The following DXO variants were observed in gnomAD, a reference collection of about 807,000 sequenced individuals.
The protein encoded by DXO is decapping and exoribonuclease protein.
In DXO, 42 loss-of-function variants were observed where a neutral mutation model predicts 39.8. That is an observed-to-expected ratio of 1.06 (90% CI 0.83 to 1.37). The LOEUF (loss-of-function observed/expected upper bound fraction) is 1.37, where lower values mean the gene tolerates loss of function less well. Among genes scored for constraint, DXO ranks in the 40% most tolerant of loss-of-function variants. DXO has a pLI of 0.00. For synonymous variants in DXO, 193 were observed against 200.4 expected (o/e 0.96, Z 0.31); for missense variants, 495 against 513.0 (o/e 0.96, Z 0.34).
Position 31,970,251 on chromosome 6 carries a change from G to A in DXO, c.949-48C>T, listed in dbSNP as rs1368509873. ...CAGAAGATGGGCAGTGGGGGTGGTG[G>A]GAGGAGAGAAGGCAGGCTGTTGCCC... On this transcript the variant is annotated intron_variant, in intron 5 of 6. Coordinates refer to ENST00000337523, the MANE Select transcript of DXO (RefSeq NM_005510.4). The surrounding 1 kb of genome is among the most constrained non-coding windows in gnomAD (Gnocchi z 4.0). 1 of 1,614,016 alleles carries A rather than the reference G, an allele frequency of 6.2e-7. No individual in the cohort carries two copies. Among genetic ancestry groups the A allele is most frequent in the Non-Finnish European group, 8.5e-7 (1 of 1,179,932 alleles).
chr6:31,969,900 G>A lies in DXO; in HGVS notation c.1168C>T (p.Pro390Ser), dbSNP rs192273589. 6.2e-7 allele frequency: 1 copy of A among 1,614,134 alleles called. No homozygotes were observed. Among genetic ancestry groups the A allele is most frequent in the East Asian group, 2.2e-5 (1 of 44,888 alleles). ...EAMTQDLPSP[P>S]KTPSPK is the part of the protein sequence containing the mutation. The stretch of plus-strand genomic sequence containing the variant: ...TACTATTTGGGAGAGGGAGTCTTGG[G>A]GGGTGATGGGAGGTCCTGAGTCATA... Residue 390 changes from proline (P) to serine (S), a missense_variant, in exon 7 of 7, where the codon CCC (proline) becomes TCC (serine). Pro to Ser is a moderately conservative substitution (Grantham distance 74). Transcript: ENST00000337523. The surrounding 1 kb of genome is among the most constrained non-coding windows in gnomAD (Gnocchi z 6.1).
rs2746399 is a variant in DXO at position 31,970,295 on chromosome 6, T to C, written c.948+48A>G. 14,474 of 1,613,794 alleles carry C rather than the reference T, an allele frequency of 9.0e-3. 745 individuals carry two copies. The South Asian group carries it at 0.1, about 12-fold the overall frequency. ...GTTGCCCTGGATGCTAGACCTGTGG[T>C]CTTGGTGTTTGGGGATACGGGTGGG... On this transcript the variant is annotated intron_variant, in intron 5 of 6. Coordinates refer to ENST00000337523, the MANE Select transcript of DXO (RefSeq NM_005510.4). This position sits in a 1 kb window ranked among gnomAD's most constrained non-coding sequence, Gnocchi z 4.0.
Position 31,970,228 on chromosome 6 carries a change from G to A in DXO, c.949-25C>T. The stretch of plus-strand genomic sequence containing the variant: ...TCTGGAGCAGGCAGAGGAGGAGGCA[G>A]AAGATGGGCAGTGGGGGTGGTGGGA... On this transcript the variant is annotated intron_variant, in intron 5 of 6. Coordinates refer to ENST00000337523, the MANE Select transcript of DXO (RefSeq NM_005510.4). This position sits in a 1 kb window ranked among gnomAD's most constrained non-coding sequence, Gnocchi z 4.0. 1 of 1,613,506 alleles carries A rather than the reference G, an allele frequency of 6.2e-7. No homozygotes were observed. The highest frequency in any genetic ancestry group is 8.5e-7 in the Non-Finnish European group (1 of 1,179,928).
rs1773299105 is a variant in DXO, at chr6:31,971,332, C to A, written c.344G>T (p.Gly115Val). Residue 115 changes from glycine (G) to valine (V), a missense_variant, in exon 2 of 7, where the codon GGC becomes GTC. Coordinates refer to ENST00000337523, the MANE Select transcript of DXO (RefSeq NM_005510.4). The surrounding 1 kb of genome is among the most constrained non-coding windows in gnomAD (Gnocchi z 4.5). ...HLLCWLLEHR[G>V]RLEGGPGWLA... ...ACGCTTTGCTCACCCCTCCAACCGGCCTCGGTGTTCCAGGAGCCAGCACAG... is the reference window on the plus strand; with the variant it reads ...ACGCTTTGCTCACCCCTCCAACCGGACTCGGTGTTCCAGGAGCCAGCACAG... 3 of 1,542,490 alleles carry A rather than the reference C, an allele frequency of 1.9e-6. No individual in the cohort carries two copies. The highest frequency in any genetic ancestry group is 2.6e-6 in the Non-Finnish European group (3 of 1,143,266).
chr6:31,971,534 C>A lies in DXO; in HGVS notation c.142G>T (p.Glu48Ter). The change falls in exon 2 of 7, where the codon GAA becomes TAA. Residue 48 changes from glutamate to a stop codon, truncating the protein, a stop_gained. Transcript: ENST00000337523. LOFTEE classifies it high-confidence loss of function. The surrounding 1 kb of genome is among the most constrained non-coding windows in gnomAD (Gnocchi z 4.5). ...GPFPFYRRPSELGCFSLDAQR... is the reference protein window; with the variant it reads ...GPFPFYRRPS ...GCATCCAGGGAGAAGCAGCCCAGTTCCGAAGGGCGCCGGTAGAAAGGAAAG... is the reference window on the plus strand; with the variant it reads ...GCATCCAGGGAGAAGCAGCCCAGTTACGAAGGGCGCCGGTAGAAAGGAAAG... 6.2e-7 allele frequency: 1 copy of A among 1,614,164 alleles called. No homozygotes were observed. Among genetic ancestry groups the A allele is most frequent in the Non-Finnish European group, 8.5e-7 (1 of 1,180,028 alleles).
rs530564669 is a variant in DXO at position 31,971,883 on chromosome 6, G to C, written c.-7+46C>G. On this transcript the variant is annotated intron_variant, in intron 1 of 6. Transcript: ENST00000337523. This position sits in a 1 kb window ranked among gnomAD's most constrained non-coding sequence, Gnocchi z 4.5. ...CCTCCCTCCAGGTCCTCCAAATGCA[G>C]TGAGGTTAGGAAGGACGTCTGCGCT... 2 of 1,471,074 alleles carry C rather than the reference G, an allele frequency of 1.4e-6. No homozygotes were observed. The highest frequency in any genetic ancestry group is 1.8e-6 in the Non-Finnish European group (2 of 1,101,782). 91.1% of individuals were successfully genotyped at this position (1,471,074 alleles called of 1,614,324 possible). A position where few individuals can be genotyped will look rare whatever the true frequency, so the allele number is the denominator to read the frequency against.
rs768625950 is a variant in DXO, at chr6:31,970,939, A to C, written c.565T>G (p.Tyr189Asp). The stretch of plus-strand genomic sequence containing the variant: ...GCACACATGTACTGCTCAAATTTGT[A>C]TCCCATGTACATAAGCTCCCGGAGG... ...PLLRELMYMG[Y>D]KFEQYMCADK... The change falls in exon 3 of 7, where the codon TAC becomes GAC. Residue 189 changes from tyrosine to aspartate, a missense_variant. Physicochemically the swap from Tyr to Asp is radical, Grantham distance 160. Coordinates refer to ENST00000337523, the MANE Select transcript of DXO (RefSeq NM_005510.4). This position sits in a 1 kb window ranked among gnomAD's most constrained non-coding sequence, Gnocchi z 4.0. 1 of 1,612,780 alleles carries C rather than the reference A, an allele frequency of 6.2e-7. No homozygotes were observed. Among genetic ancestry groups the C allele is most frequent in the South Asian group, 1.1e-5 (1 of 91,074 alleles).
In DXO at chr6:31,971,515, A is replaced by G. The variant is rs759863016; in HGVS notation, c.161T>C (p.Leu54Pro). ...RRPSELGCFS[L>P]DAQRQYHGDA... ...TCCATGGTACTGGCGTTGAGCATCC[A>G]GGGAGAAGCAGCCCAGTTCCGAAGG... Residue 54 changes from leucine to proline, a missense_variant, in exon 2 of 7, where the codon CTG becomes CCG. Leu to Pro is a moderately conservative substitution (Grantham distance 98). Coordinates refer to ENST00000337523, the MANE Select transcript of DXO (RefSeq NM_005510.4). The surrounding 1 kb of genome is among the most constrained non-coding windows in gnomAD (Gnocchi z 4.5). The G allele has an allele frequency of 3.7e-6, 6 of 1,614,178 alleles. No individual in the cohort carries two copies. Among genetic ancestry groups the G allele is most frequent in the Non-Finnish European group, 5.1e-6 (6 of 1,180,032 alleles).
At position 31,970,014 on chromosome 6, in the gene DXO, G is replaced by A; in HGVS notation, c.1054C>T (p.Leu352Phe). The change falls in exon 7 of 7, where the codon CTC becomes TTC. Residue 352 changes from leucine to phenylalanine, a missense_variant. Physicochemically the swap from Leu to Phe is conservative, Grantham distance 22. Transcript: ENST00000337523. This position sits in a 1 kb window ranked among gnomAD's most constrained non-coding sequence, Gnocchi z 4.0. ...GGGCCGCCAGGCTCCCAAGAGAAGAGATGAACGAGCCTGGGGGGCAGATGG... is the reference window on the plus strand; with the variant it reads ...GGGCCGCCAGGCTCCCAAGAGAAGAAATGAACGAGCCTGGGGGGCAGATGG... Reference protein sequence around the residue: ...VVQDDPRLVHLFSWEPGGPVT... With the variant: ...VVQDDPRLVHFFSWEPGGPVT... 1.9e-6 allele frequency: 3 copies of A among 1,614,052 alleles called. No homozygotes were observed. Among genetic ancestry groups the A allele is most frequent in the Non-Finnish European group, 2.5e-6 (3 of 1,180,026 alleles).
chr6:31,971,661 C>G lies in DXO; in HGVS notation c.15G>C (p.Gly5=). Residue 5 remains glycine, a synonymous_variant, in exon 2 of 7, where the codon GGG becomes GGC. Coordinates refer to ENST00000337523, the MANE Select transcript of DXO (RefSeq NM_005510.4). The surrounding 1 kb of genome is among the most constrained non-coding windows in gnomAD (Gnocchi z 4.5). MDPR[G]TKRGAEKTEV... ...CTGTCTTCTCAGCTCCTCTCTTGGT[C>G]CCCCTGGGATCCATGAGGTCCTAAG... is the stretch of plus-strand genomic sequence containing the variant. The G allele has an allele frequency of 6.2e-7, 1 of 1,606,426 alleles. No homozygotes were observed. Among genetic ancestry groups the G allele is most frequent in the Non-Finnish European group, 8.5e-7 (1 of 1,179,540 alleles).
chr6:31,970,042 G>A lies in DXO; in HGVS notation c.1044-18C>T. The stretch of plus-strand genomic sequence containing the variant: ...GAACGAGCCTGGGGGGCAGATGGAG[G>A]CATCAGTTGAGGGCCAGAGGCTGGA... On this transcript the variant is annotated intron_variant, in intron 6 of 6. Transcript: ENST00000337523. This position sits in a 1 kb window ranked among gnomAD's most constrained non-coding sequence, Gnocchi z 4.0. 6.2e-7 allele frequency: 1 copy of A among 1,614,066 alleles called. No individual in the cohort carries two copies. The highest frequency in any genetic ancestry group is 1.3e-5 in the African/African-American group (1 of 74,998).
At position 31,969,876 on chromosome 6, in the gene DXO, A is replaced by G. The variant is rs571209078; in HGVS notation, c.*1T>C. The G allele has an allele frequency of 9.9e-6, 16 of 1,614,130 alleles. No homozygotes were observed. The highest frequency in any genetic ancestry group is 1.3e-5 in the Non-Finnish European group (15 of 1,180,012). On this transcript the variant is annotated 3_prime_UTR_variant, in exon 7 of 7. Coordinates refer to ENST00000337523, the MANE Select transcript of DXO (RefSeq NM_005510.4). This position sits in a 1 kb window ranked among gnomAD's most constrained non-coding sequence, Gnocchi z 6.1. ...TATGACTGCCTCCCTCTAAAGCATT[A>G]CTATTTGGGAGAGGGAGTCTTGGGG...
At position 31,972,000 on chromosome 6, in the gene DXO, C is replaced by G. The variant is rs774527458; in HGVS notation, c.-78G>C. The G allele has an allele frequency of 3.1e-6, 5 of 1,602,526 alleles. No homozygotes were observed. Among genetic ancestry groups the G allele is most frequent in the Non-Finnish European group, 4.3e-6 (5 of 1,171,336 alleles). The stretch of plus-strand genomic sequence containing the variant: ...CAGGCACGCCAGAGGCCGAAGGATG[C>G]AAAAGTGGTTTTCTGCTTTCGATGA... On this transcript the variant is annotated 5_prime_UTR_variant, in exon 1 of 7. Transcript: ENST00000337523. The surrounding 1 kb of genome is among the most constrained non-coding windows in gnomAD (Gnocchi z 4.5).
Position 31,970,551 on chromosome 6 carries a change from T to C in DXO, c.812+55A>G, listed in dbSNP as rs559840208. On this transcript the variant is annotated intron_variant, in intron 4 of 6. Transcript: ENST00000337523. The surrounding 1 kb of genome is among the most constrained non-coding windows in gnomAD (Gnocchi z 4.0). ...TTCTGCCTTCACCCTCCTCCCCAAG[T>C]CCCTTTCCCAGCCTTCAAGCCTAAG... 75 of 1,612,606 alleles carry C rather than the reference T, an allele frequency of 4.7e-5. No individual in the cohort carries two copies. Among genetic ancestry groups the C allele is most frequent in the Non-Finnish European group, 6.4e-5 (75 of 1,179,090 alleles).
rs1187914190 is a variant in DXO, at chr6:31,971,329, C to G, written c.347G>C (p.Arg116Pro). Residue 116 changes from arginine to proline, a missense_variant, in exon 2 of 7, where the codon CGG becomes CCG. Physicochemically the swap from Arg to Pro is moderately radical, Grantham distance 103 (BLOSUM62 -2). Transcript: ENST00000337523. This position sits in a 1 kb window ranked among gnomAD's most constrained non-coding sequence, Gnocchi z 4.5. ...LLCWLLEHRG[R>P]LEGGPGWLAE... ...ACCACGCTTTGCTCACCCCTCCAAC[C>G]GGCCTCGGTGTTCCAGGAGCCAGCA... 6.5e-7 allele frequency: 1 copy of G among 1,541,004 alleles called. No homozygotes were observed. The highest frequency in any genetic ancestry group is 8.8e-7 in the Non-Finnish European group (1 of 1,142,708).
rs772946536 is a variant in DXO, at chr6:31,971,033, C to G, written c.471G>C (p.Gln157His). Reference protein sequence around the residue: ...EGWQLAASRFQGTLYLSEVET... With the variant: ...EGWQLAASRFHGTLYLSEVET... ...CCACTTCACTCAGGTATAGTGTTCCCTGGAACCGGGAGGCTGCCAGCTGCC... is the reference window on the plus strand; with the variant it reads ...CCACTTCACTCAGGTATAGTGTTCCGTGGAACCGGGAGGCTGCCAGCTGCC... The change falls in exon 3 of 7, where the codon CAG (glutamine) becomes CAC (histidine). Residue 157 changes from glutamine (Q) to histidine (H), a missense_variant. By Grantham distance (24) the Gln-to-His change is conservative (BLOSUM62 0). Transcript: ENST00000337523. This position sits in a 1 kb window ranked among gnomAD's most constrained non-coding sequence, Gnocchi z 4.5. 6.2e-7 allele frequency: 1 copy of G among 1,612,894 alleles called. No individual in the cohort carries two copies. Among genetic ancestry groups the G allele is most frequent in the Non-Finnish European group, 8.5e-7 (1 of 1,180,010 alleles).
Position 31,971,411 on chromosome 6 carries a change from G to A in DXO, c.265C>T (p.Pro89Ser). The A allele has an allele frequency of 6.2e-7, 1 of 1,606,074 alleles. No individual in the cohort carries two copies. The highest frequency in any genetic ancestry group is 8.5e-7 in the Non-Finnish European group (1 of 1,174,106). The change falls in exon 2 of 7, where the codon CCG (proline) becomes TCG (serine). Residue 89 changes from proline to serine, a missense_variant. Transcript: ENST00000337523. The surrounding 1 kb of genome is among the most constrained non-coding windows in gnomAD (Gnocchi z 4.5). ...TCGTCCCGGGGCTGGTATCGATCCG[G>A]GTATCCGTCTCTGAGGTCAAAGTTG... is the stretch of plus-strand genomic sequence containing the variant. Reference protein sequence around the residue: ...GPNFDLRDGYPDRYQPRDEEV... With the variant: ...GPNFDLRDGYSDRYQPRDEEV...
chr6:31,970,242 G>C lies in DXO; in HGVS notation c.949-39C>G. The C allele has an allele frequency of 1.2e-6, 2 of 1,602,152 alleles. No individual in the cohort carries two copies. Among genetic ancestry groups the C allele is most frequent in the South Asian group, 2.2e-5 (2 of 90,590 alleles). On this transcript the variant is annotated intron_variant, in intron 5 of 6. Transcript: ENST00000337523. This position sits in a 1 kb window ranked among gnomAD's most constrained non-coding sequence, Gnocchi z 4.0. Reference sequence around the variant, plus strand: ...AGGAGGAGGCAGAAGATGGGCAGTGGGGGTGGTGGGAGGAGAGAAGGCAGG... The same window carrying C: ...AGGAGGAGGCAGAAGATGGGCAGTGCGGGTGGTGGGAGGAGAGAAGGCAGG...
rs1773213149 is a variant in DXO, at chr6:31,970,765, GAGC to G, written c.650_652del (p.Cys217del). 6.2e-7 allele frequency: 1 copy of G among 1,612,912 alleles called. No individual in the cohort carries two copies. Among genetic ancestry groups the G allele is most frequent in the Non-Finnish European group, 8.5e-7 (1 of 1,179,992 alleles). On this transcript the variant is annotated inframe_deletion, in exon 4 of 7. Coordinates refer to ENST00000337523, the MANE Select transcript of DXO (RefSeq NM_005510.4). The surrounding 1 kb of genome is among the most constrained non-coding windows in gnomAD (Gnocchi z 4.0). ...GCTTCCCAGGCGGCTGCGTAGCACA[GAGC>G]AGAAGGCCACGTTGGTGTTAACCTC...
Sources: gnomAD v4.1 joint callset for allele counts on GRCh38, gnomAD v4.1.1 for gene constraint, Gnocchi (gnomAD v3.1) non-coding constraint, MANE v1.5 for transcripts, NCBI Gene and HGNC (gene_info 2026-07-23, HGNC 2026-07-21) for gene names.